Variants in CMSS1 observed in about 807,000 individuals in gnomAD.
CMSS1 encodes the protein protein CMSS1.
A neutral mutation model predicts 43.5 loss-of-function variants in CMSS1; 33 were observed. The ratio of observed to expected loss-of-function variants is 0.76; its 90% CI spans 0.57 to 1.01. CMSS1 has a LOEUF of 1.01. CMSS1 is among the 50% of genes least tolerant of loss of function. CMSS1 has a pLI of 0.00. For missense variants in CMSS1, 313 were observed against 326.4 expected (o/e 0.96, Z 0.32); for synonymous variants, 115 against 117.2 (o/e 0.98, Z 0.12).
chr3:100,057,779 T>C (rs2065490403), intron 1 of CMSS1, among the ~76,000 whole-genome samples: 1 of 152,186 alleles, frequency 6.6e-6, no homozygotes, highest in South Asian at 2.1e-4. Context: ...AACCTACCCC[T>C]GCTACTGGAA....
chr3:99,856,064 G>A (rs1943946780), intron 1 of CMSS1, among the ~76,000 whole-genome samples: 1 of 152,176 alleles, frequency 6.6e-6, no homozygotes, highest in Non-Finnish European at 1.5e-5. Context: ...TCCATCCATT[G>A]TTTGGTTCTG....
intron 1 of CMSS1, among the ~76,000 whole-genome samples, chr3:99,960,910 A>G (rs77901908): frequency 0.017 from 2,522 of 152,350 alleles, 41 homozygotes; most frequent in Middle Eastern, 0.027. Context: ...GCAGACCAAC[A>G]AAGTGAAATG....
At chr3:100,016,893 T>A (rs951460322) in intron 1 of CMSS1, among the ~76,000 whole-genome samples, 8 of 152,230 alleles carry the variant, frequency 5.3e-5, no homozygotes, top group Non-Finnish European at 1.0e-4. Flanking sequence ...GAATTAGTTG[T>A]GTCCAAAATA....
At chr3:99,834,269 C>T (rs1035591096) in intron 1 of CMSS1, among the ~76,000 whole-genome samples, 1 of 152,212 alleles carries the variant, frequency 6.6e-6, no homozygotes, top group Non-Finnish European at 1.5e-5. Flanking sequence ...CATTAACCTC[C>T]TATGAGAGAT....
chr3:99,838,777 A>C (rs1418531155), intron 1 of CMSS1, among the ~76,000 whole-genome samples: 1 of 152,188 alleles, frequency 6.6e-6, no homozygotes, highest in African/African-American at 2.4e-5. Context: ...TTATCCCTAA[A>C]GTTGTCATAA....
Position 100,071,090 on chromosome 3 carries a change from CT to C in CMSS1, c.65-75862del, listed in dbSNP as rs61563009. On this transcript the variant is annotated intron_variant, in intron 1 of 9. Coordinates refer to ENST00000421999, the MANE Select transcript of CMSS1 (RefSeq NM_032359.4). ...TTGTTTTTAAGAGAAGCTACTCTCTCTTTTTTTTTTTTTTTTTTTTTGGATG... is the reference window on the plus strand; with the variant it reads ...TTGTTTTTAAGAGAAGCTACTCTCTCTTTTTTTTTTTTTTTTTTTTGGATG... 6.7e-3 allele frequency among the ~76,000 whole-genome samples: 470 copies of C among 70,562 alleles called. 7 individuals are homozygous for C. In the South Asian group the frequency reaches 0.082, roughly 12 times the overall value. The allele number at this position is 70,562 out of a possible 152,430, so 46.3% of individuals were successfully genotyped here.
intron 1 of CMSS1, among the ~76,000 whole-genome samples, chr3:99,872,031 T>A (rs1407532892): frequency 6.6e-6 from 1 of 152,176 alleles, no homozygotes; most frequent in East Asian, 1.9e-4. Context: ...ACACCTACAG[T>A]ACTGAGGCTT....
intron 1 of CMSS1, chr3:99,850,530 C>A: frequency 6.2e-7 from 1 of 1,613,426 alleles, no homozygotes; most frequent in Non-Finnish European, 8.5e-7. Context: ...CTTTCCCTTC[C>A]ATATCTAGCA....
At chr3:99,876,084 C>CGCCGGGGCCGGGCGGGGGCCGG (rs1705498920) in intron 1 of CMSS1, 2 of 986,358 alleles carry the variant, frequency 2.0e-6, no homozygotes, top group Non-Finnish European at 2.4e-6. Flanking sequence ...GAACTGCCTG[C>CGCCGGGGCCGGGCGGGGGCCGG]GCCGGGGCCG....
intron 1 of CMSS1, chr3:100,010,265 TTAGTAGTA>T: frequency 3.3e-6 from 1 of 307,482 alleles, no homozygotes; most frequent in Non-Finnish European, 4.8e-6. Flanking sequence ...AACATTGTCC[TTAGTAGTA>T]TACTGTGTTC....
chr3:100,023,551 T>C (rs2064863499), intron 1 of CMSS1: 1 of 152,630 alleles, frequency 6.6e-6, no homozygotes, highest in Non-Finnish European at 1.5e-5. Flanking sequence ...AAACAGTTTC[T>C]TGGGGGGAGA....
At chr3:99,939,934 G>T (rs1707805109) in intron 1 of CMSS1, among the ~76,000 whole-genome samples, 1 of 152,036 alleles carries the variant, frequency 6.6e-6, no homozygotes, top group Admixed American at 6.5e-5. Flanking sequence ...TCTCTTTTTA[G>T]TTTGGAAGTG....
intron 1 of CMSS1, among the ~76,000 whole-genome samples, chr3:100,010,701 A>G (rs548217012): frequency 7.2e-6 from 1 of 138,258 alleles, no homozygotes; most frequent in South Asian, 2.4e-4. Context: ...TGCAACTTCT[A>G]CCTCCCGGGT....
intron 1 of CMSS1, among the ~76,000 whole-genome samples, chr3:99,839,650 A>G (rs1943043471): frequency 1.3e-5 from 2 of 152,228 alleles, no homozygotes; most frequent in African/African-American, 4.8e-5. Flanking sequence ...TTGACCTGAA[A>G]ATTCTAGTTT....
intron 8 of CMSS1, among the ~76,000 whole-genome samples, chr3:100,175,295 G>A (rs77553718): frequency 2.4e-3 from 360 of 152,272 alleles, no homozygotes; most frequent in Middle Eastern, 0.01. Flanking sequence ...GCTGGGCACC[G>A]TGGCTCATGC....
intron 1 of CMSS1, among the ~76,000 whole-genome samples, chr3:100,006,246 A>G (rs1230249052): frequency 6.6e-6 from 1 of 152,038 alleles, no homozygotes; most frequent in East Asian, 1.9e-4. Flanking sequence ...CCCAGCCCTC[A>G]ACTGATCTTT....
intron 1 of CMSS1, among the ~76,000 whole-genome samples, chr3:99,893,407 C>T (rs1330674586): frequency 5.9e-5 from 9 of 152,170 alleles, no homozygotes; most frequent in Non-Finnish European, 8.8e-5. Flanking sequence ...CCTCGTGATC[C>T]GCCTGTCTCG....
intron 1 of CMSS1, among the ~76,000 whole-genome samples, chr3:99,846,001 C>A (rs185230232): frequency 3.1e-4 from 47 of 152,294 alleles, no homozygotes; most frequent in Non-Finnish European, 5.6e-4. Flanking sequence ...TAATAGAACA[C>A]AAGACTTATG....
At chr3:99,971,610 C>T (rs1367646845) in intron 1 of CMSS1, among the ~76,000 whole-genome samples, 1 of 152,156 alleles carries the variant, frequency 6.6e-6, no homozygotes, top group Non-Finnish European at 1.5e-5. Context: ...GTAGCCACTC[C>T]CTGATCTAAG....
Sources: gnomAD v4.1 joint callset for allele counts (sites outside exome capture counted in the v4.1 genomes callset) on GRCh38, gnomAD v4.1.1 for gene constraint, MANE v1.5 for transcripts, NCBI Gene and HGNC (gene_info 2026-07-23, HGNC 2026-07-21) for gene names.